Variants in FMN2 observed in about 807,000 individuals in gnomAD.
FMN2 encodes formin-2.
In FMN2, 51 loss-of-function variants were observed where a neutral mutation model predicts 142.3. The ratio of observed to expected loss-of-function variants is 0.36; its 90% CI spans 0.29 to 0.45. The LOEUF (loss-of-function observed/expected upper bound fraction) is 0.45. Ranked by LOEUF, FMN2 falls within the 20% of genes least tolerant of loss-of-function variation. FMN2 has a pLI of 1.00. For missense variants in FMN2, 1,936 were observed against 2,122.8 expected, an observed-to-expected ratio of 0.91 and a Z score of 1.73; for synonymous variants, 882 against 869.8, an observed-to-expected ratio of 1.01 and a Z score of -0.25.
chr1:240,236,372 A>C (rs1361949297), intron 6 of FMN2, among the ~76,000 whole-genome samples: 1 of 152,166 alleles, frequency 6.6e-6, no homozygotes, highest in African/African-American at 2.4e-5. Context: ...GGGACACCCC[A>C]TGGTATTTCC....
At chr1:240,180,084 A>G in intron 3 of FMN2, 2 of 802,350 alleles carry the variant, frequency 2.5e-6, no homozygotes, top group South Asian at 3.4e-5. Flanking sequence ...TTTTTGCTTC[A>G]TGATTTGATG....
intron 15 of FMN2, among the ~76,000 whole-genome samples, chr1:240,397,998 CTT>C (rs35919747): frequency 9.9e-5 from 14 of 140,754 alleles, no homozygotes; most frequent in Admixed American, 1.4e-4. Flanking sequence ...TAGGCAAGAT[CTT>C]TTTTTTTTTT....
Position 240,440,829 on chromosome 1 carries a change from A to G in FMN2, c.5060+2619A>G, listed in dbSNP as rs114228829. Among the ~76,000 whole-genome samples, 1,037 of 152,168 alleles carry G rather than the reference A, an allele frequency of 6.8e-3. 10 individuals carry two copies. Among genetic ancestry groups the G allele is most frequent in the African/African-American group, 0.024 (998 of 41,500 alleles). Reference sequence around the variant, plus strand: ...TCCTTTCCTTAGTGAGGGACCAGCTATGTACTTCTTAGGAAACAGTGAAAA... The same window carrying G: ...TCCTTTCCTTAGTGAGGGACCAGCTGTGTACTTCTTAGGAAACAGTGAAAA... On this transcript the variant is annotated intron_variant, in intron 16 of 17. Coordinates refer to ENST00000319653, the MANE Select transcript of FMN2 (RefSeq NM_020066.5).
chr1:240,092,705 T>C lies in FMN2; in HGVS notation c.596T>C (p.Ile199Thr). The C allele has an allele frequency of 6.2e-7, 1 of 1,613,810 alleles. No individual in the cohort carries two copies. Among genetic ancestry groups the C allele is most frequent in the Non-Finnish European group, 8.5e-7 (1 of 1,179,940 alleles). ...ATEQEDLLSD[I>T]QQAIRLQQQQ... Reference sequence around the variant, plus strand: ...GAGCAAGAGGATTTGCTTTCAGACATCCAGCAGGCGATCCGCCTGCAGCAG... The same window carrying C: ...GAGCAAGAGGATTTGCTTTCAGACACCCAGCAGGCGATCCGCCTGCAGCAG... The change falls in exon 1 of 18, where the codon ATC (isoleucine) becomes ACC (threonine). Residue 199 changes from isoleucine to threonine, a missense_variant. Transcript: ENST00000319653.
At chr1:240,202,722 G>A (rs369833299) in intron 4 of FMN2, among the ~76,000 whole-genome samples, 6 of 152,092 alleles carry the variant, frequency 3.9e-5, no homozygotes, top group East Asian at 3.9e-4. Flanking sequence ...CTTCAGCCTC[G>A]GAAAGTGCTG....
chr1:240,171,498 G>A (rs1303857533), intron 2 of FMN2, among the ~76,000 whole-genome samples: 1 of 152,084 alleles, frequency 6.6e-6, no homozygotes, highest in Non-Finnish European at 1.5e-5. Flanking sequence ...GCTCATTAAG[G>A]AATATTTTAA....
chr1:240,210,071 A>C (rs1035857347), intron 5 of FMN2, among the ~76,000 whole-genome samples: 2 of 152,288 alleles, frequency 1.3e-5, no homozygotes, highest in South Asian at 4.1e-4. Flanking sequence ...TCTGTCCCTC[A>C]TTGGCAACAC....
chr1:240,248,984 CATATAT>C (rs1334426014), intron 6 of FMN2, among the ~76,000 whole-genome samples: 9 of 151,914 alleles, frequency 5.9e-5, no homozygotes, highest in African/African-American at 2.2e-4. Context: ...TTGAGTTCCT[CATATAT>C]GGATATTAGT....
At chr1:240,471,490 C>T (rs1354861436) in intron 16 of FMN2, among the ~76,000 whole-genome samples, 4 of 151,930 alleles carry the variant, frequency 2.6e-5, no homozygotes, top group Non-Finnish European at 5.9e-5. Flanking sequence ...ATTCTCCTGC[C>T]TCAACCTCCG....
intron 16 of FMN2, among the ~76,000 whole-genome samples, chr1:240,448,751 G>T (rs9725633): frequency 6.6e-6 from 1 of 152,014 alleles, no homozygotes; most frequent in Admixed American, 6.6e-5. Context: ...AGCATGGGAG[G>T]TTGAGGCAGC....
chr1:240,455,488 C>T (rs372584419), intron 16 of FMN2, among the ~76,000 whole-genome samples: 24 of 152,108 alleles, frequency 1.6e-4, no homozygotes, highest in Admixed American at 5.2e-4. Context: ...AAAGTCCCAA[C>T]GCAGTGACTA....
intron 6 of FMN2, among the ~76,000 whole-genome samples, chr1:240,211,929 C>T (rs1029177430): frequency 6.6e-6 from 1 of 152,064 alleles, no homozygotes; most frequent in Non-Finnish European, 1.5e-5. Context: ...AGAGTAAAAC[C>T]TCATGATAAT....
In FMN2 at chr1:240,200,985, T is replaced by G. The variant is rs1055918820; in HGVS notation, c.1987-5814T>G. On this transcript the variant is annotated intron_variant, in intron 4 of 17. Coordinates refer to ENST00000319653, the MANE Select transcript of FMN2 (RefSeq NM_020066.5). ...TCAGATTTGGAATTTTGTCCTCTTA[T>G]CACTACTTCCTCTGCCATTTGTTAG... Among the ~76,000 whole-genome samples the G allele has an allele frequency of 7.2e-5, 11 of 152,316 alleles. No homozygotes were observed. The South Asian group carries it at 1.2e-3, about 17-fold the overall frequency.
At chr1:240,327,661 A>G (rs1414813531) in intron 8 of FMN2, among the ~76,000 whole-genome samples, 1 of 152,078 alleles carries the variant, frequency 6.6e-6, no homozygotes, top group African/African-American at 2.4e-5. Flanking sequence ...TAATCCAAAT[A>G]CTCTATAAAA....
rs139290755 is a variant in FMN2, at chr1:240,141,639, G to T, written c.1782+18294G>T. ...CCCACCTTGACCTCCCGAAGTGCTGGGATTACAGGCGTGAGCCACCACGCC... is the reference window on the plus strand; with the variant it reads ...CCCACCTTGACCTCCCGAAGTGCTGTGATTACAGGCGTGAGCCACCACGCC... On this transcript the variant is annotated intron_variant, in intron 2 of 17. Transcript: ENST00000319653. 3.2e-3 allele frequency among the ~76,000 whole-genome samples: 483 copies of T among 152,240 alleles called. 2 individuals carry two copies. Among genetic ancestry groups the T allele is most frequent in the African/African-American group, 0.01 (427 of 41,542 alleles).
intron 13 of FMN2, among the ~76,000 whole-genome samples, chr1:240,355,510 A>G (rs888594189): frequency 1.3e-5 from 2 of 152,154 alleles, no homozygotes; most frequent in East Asian, 1.9e-4. Context: ...AGGCTCTGCT[A>G]TCATGCCCAT....
chr1:240,303,990 C>A (rs1670291082), intron 8 of FMN2, among the ~76,000 whole-genome samples: 1 of 151,946 alleles, frequency 6.6e-6, no homozygotes, highest in Admixed American at 6.6e-5. Context: ...TTTTTCAGTT[C>A]TTTTCAGTTA....
At chr1:240,268,933 A>T (rs955363936) in intron 7 of FMN2, among the ~76,000 whole-genome samples, 15 of 151,962 alleles carry the variant, frequency 9.9e-5, no homozygotes, top group Admixed American at 8.6e-4. Context: ...ATATATTTAG[A>T]CATATAAATA....
At chr1:240,171,544 C>T (rs1169768650) in intron 2 of FMN2, among the ~76,000 whole-genome samples, 1 of 152,116 alleles carries the variant, frequency 6.6e-6, no homozygotes, top group African/African-American at 2.4e-5. Context: ...AAAATACAGA[C>T]TATTGGACAA....
Sources: gnomAD v4.1 joint callset for allele counts (sites outside exome capture counted in the v4.1 genomes callset) on GRCh38, gnomAD v4.1.1 for gene constraint, MANE v1.5 for transcripts, NCBI Gene and HGNC (gene_info 2026-07-23, HGNC 2026-07-21) for gene names.